Variants in TANC2 observed in about 807,000 individuals in gnomAD.
TANC2 encodes protein TANC2.
In TANC2, 26 loss-of-function variants were observed where a neutral mutation model predicts 210.5. The ratio of observed to expected loss-of-function variants is 0.12; its 90% CI spans 0.09 to 0.17. The LOEUF (loss-of-function observed/expected upper bound fraction) is 0.17, where lower values mean the gene tolerates loss of function less well. TANC2 is among the 10% of genes least tolerant of loss of function. The pLI is 1.00. For synonymous variants in TANC2, 931 were observed against 967.1 expected (o/e 0.96, Z 0.69); for missense variants, 2,129 against 2,608.9 (o/e 0.82, Z 4.01).
chr17:63,375,309 G>A (rs2047391040), intron 14 of TANC2, among the ~76,000 whole-genome samples: 1 of 152,138 alleles, frequency 6.6e-6, no homozygotes, highest in Non-Finnish European at 1.5e-5. Context: ...GACCTGTATT[G>A]CTTGCTGTTT....
At position 63,146,761 on chromosome 17, in the gene TANC2, T is replaced by A. The variant is rs75498009; in HGVS notation, c.323-4509T>A. On this transcript the variant is annotated intron_variant, in intron 4 of 27. Transcript: ENST00000689528. ...TGACTAGATATACTTCAACATTATC[T>A]ACAGCATTCCAGCATACAGAGGAAC... is the stretch of plus-strand genomic sequence containing the variant. 2.4e-3 allele frequency among the ~76,000 whole-genome samples: 366 copies of A among 152,308 alleles called. 3 individuals are homozygous for A. Among genetic ancestry groups the A allele is most frequent in the East Asian group, 0.017 (90 of 5,186 alleles).
intron 2 of TANC2, among the ~76,000 whole-genome samples, chr17:63,021,723 A>C (rs1438832374): frequency 6.6e-6 from 1 of 152,264 alleles, no homozygotes; most frequent in East Asian, 1.9e-4. Flanking sequence ...TTGAAAGTGA[A>C]TAATAGATTG....
chr17:62,982,293 T>A (rs2032343467), intron 1 of TANC2, among the ~76,000 whole-genome samples: 1 of 152,150 alleles, frequency 6.6e-6, no homozygotes, highest in Non-Finnish European at 1.5e-5. Flanking sequence ...AGAGACTACC[T>A]TTCAGGAACT....
At chr17:63,267,989 A>G in intron 9 of TANC2, 116 bp downstream of exon 9, 3 of 1,200,802 alleles carry the variant, frequency 2.5e-6, no homozygotes, top group African/African-American at 1.5e-5. Context: ...AAGAAGTGAA[A>G]TGATCCATTT....
At chr17:63,125,423 G>A (rs979612377) in intron 4 of TANC2, among the ~76,000 whole-genome samples, 1 of 152,096 alleles carries the variant, frequency 6.6e-6, no homozygotes, top group Non-Finnish European at 1.5e-5. Context: ...TTGTTGAGAA[G>A]GGAAGCCGTT....
chr17:63,278,541 G>T (rs756379979), intron 9 of TANC2, among the ~76,000 whole-genome samples: 11 of 152,024 alleles, frequency 7.2e-5, no homozygotes, highest in Non-Finnish European at 1.6e-4. Context: ...AATGTAAAAT[G>T]GTGCAGTTGC....
chr17:63,386,495 G>A (rs374748694), intron 15 of TANC2, among the ~76,000 whole-genome samples: 1 of 152,122 alleles, frequency 6.6e-6, no homozygotes, highest in Non-Finnish European at 1.5e-5. Context: ...AATAATACAA[G>A]GTTGGCCATG....
chr17:63,063,268 C>G (rs2036061267), intron 2 of TANC2, among the ~76,000 whole-genome samples: 1 of 152,192 alleles, frequency 6.6e-6, no homozygotes, highest in Non-Finnish European at 1.5e-5. Context: ...AGTTCCCAAA[C>G]TCTGTAGTTC....
intron 2 of TANC2, among the ~76,000 whole-genome samples, chr17:63,069,328 G>A (rs945640754): frequency 6.6e-6 from 1 of 152,096 alleles, no homozygotes. Flanking sequence ...ATATTTAGCA[G>A]CATCCCTAGC....
intron 5 of TANC2, among the ~76,000 whole-genome samples, chr17:63,165,548 T>A (rs2040183892): frequency 6.6e-6 from 1 of 152,216 alleles, no homozygotes; most frequent in African/African-American, 2.4e-5. Flanking sequence ...TCTGTACTGC[T>A]ACACTGCAGT....
intron 7 of TANC2, among the ~76,000 whole-genome samples, chr17:63,230,189 G>A (rs1203109647): frequency 6.6e-6 from 1 of 152,004 alleles, no homozygotes; most frequent in Non-Finnish European, 1.5e-5. Flanking sequence ...TATTAGTCCA[G>A]TTAGCAGTCC....
chr17:63,418,448 T>C lies in TANC2; in HGVS notation c.4268+41T>C. On this transcript the variant is annotated intron_variant, in intron 27 of 27. Coordinates refer to ENST00000689528, the Ensembl canonical transcript of TANC2. The surrounding 1 kb of genome is among the most constrained non-coding windows in gnomAD (Gnocchi z 4.6). ...GAGGGTGAAAGCAAGAGGTCTCTTT[T>C]CTGAAAATTTGGCCAAGGCAGCGTC... 1 of 1,579,776 alleles carries C rather than the reference T, an allele frequency of 6.3e-7. No homozygotes were observed. The highest frequency in any genetic ancestry group is 8.6e-7 in the Non-Finnish European group (1 of 1,161,720).
At chr17:63,098,834 TAAATACCTTTAATGTG>T in intron 3 of TANC2, among the ~76,000 whole-genome samples, 1 of 150,340 alleles carries the variant, frequency 6.7e-6, no homozygotes, top group Non-Finnish European at 1.5e-5. Flanking sequence ...GCTAAGCAGA[TAAATACCTTTAATGTG>T]TGTCTTATCA....
chr17:63,417,690 C>T (rs1279283971), intron 26 of TANC2, among the ~76,000 whole-genome samples: 1 of 152,152 alleles, frequency 6.6e-6, no homozygotes, highest in African/African-American at 2.4e-5. Context: ...CTGTATCACA[C>T]TTGATCCTAC....
Position 63,340,844 on chromosome 17 carries a change from G to A in TANC2, c.1807+512G>A, listed in dbSNP as rs1357054598. Among the ~76,000 whole-genome samples, 4 of 152,080 alleles carry A rather than the reference G, an allele frequency of 2.6e-5. 1 individual carries two copies. The South Asian group carries it at 8.3e-4, about 32-fold the overall frequency. On this transcript the variant is annotated intron_variant, in intron 12 of 27. Coordinates refer to ENST00000689528, the Ensembl canonical transcript of TANC2. The stretch of plus-strand genomic sequence containing the variant: ...TTAAGGGGCATAAGGGTATTTTACG[G>A]TGCATAAATTGTATTATAGGAGAGC...
At chr17:63,169,819 T>A (rs942350563) in intron 5 of TANC2, among the ~76,000 whole-genome samples, 54 of 149,308 alleles carry the variant, frequency 3.6e-4, no homozygotes, top group Non-Finnish European at 5.7e-4. Context: ...TCTCAAAAAA[T>A]AATAATAATA....
intron 26 of TANC2, among the ~76,000 whole-genome samples, chr17:63,416,764 G>A (rs1002342999): frequency 2.0e-5 from 3 of 152,230 alleles, no homozygotes; most frequent in Non-Finnish European, 4.4e-5. Flanking sequence ...ACACGGCCAT[G>A]GCCCTCAGAG....
At chr17:63,382,820 C>T (rs1323201989) in intron 15 of TANC2, among the ~76,000 whole-genome samples, 1 of 152,108 alleles carries the variant, frequency 6.6e-6, no homozygotes, top group Admixed American at 6.6e-5. Flanking sequence ...ACAATATATA[C>T]AACTATTTTG....
chr17:62,988,286 C>CCTGG (rs992124180), intron 1 of TANC2, among the ~76,000 whole-genome samples: 1 of 146,598 alleles, frequency 6.8e-6, no homozygotes, highest in African/African-American at 2.6e-5. Context: ...CACCACCACA[C>CCTGG]CTGGCTAACT....
Sources: allele counts gnomAD v4.1 joint callset (sites outside exome capture counted in the v4.1 genomes callset), GRCh38; gene constraint gnomAD v4.1.1; non-coding constraint Gnocchi (gnomAD v3.1); transcripts MANE v1.5; gene names NCBI Gene and HGNC (gene_info 2026-07-23, HGNC 2026-07-21).